The following AGMO variants were observed in gnomAD, a reference collection of about 807,000 sequenced individuals.
The protein encoded by AGMO is alkylglycerol monooxygenase.
In AGMO, 75 loss-of-function variants were observed where a neutral mutation model predicts 60.2. That is an observed-to-expected ratio of 1.25 (90% CI 1.03 to 1.51). AGMO has a LOEUF of 1.51. Ranked by LOEUF, AGMO falls within the 40% of genes most tolerant of loss-of-function variation. AGMO has a pLI of 0.00. For synonymous variants in AGMO, 261 were observed against 177.1 expected (o/e 1.47, Z -3.76); for missense variants, 763 against 525.5 (o/e 1.45, Z -4.42).
intron 12 of AGMO, among the ~76,000 whole-genome samples, chr7:15,273,711 G>A (rs1783687907): frequency 6.6e-6 from 1 of 152,094 alleles, no homozygotes; most frequent in African/African-American, 2.4e-5. Flanking sequence ...ATTACCTTGG[G>A]CACTATGGCC....
chr7:15,192,006 CAG>C, the AGMO span, among the ~76,000 whole-genome samples: 38 of 145,258 alleles, frequency 2.6e-4, no homozygotes, highest in Admixed American at 9.7e-4. Context: ...CACACACACA[CAG>C]AGAACTATTC....
intron 12 of AGMO, among the ~76,000 whole-genome samples, chr7:15,206,726 A>G (rs567838319): frequency 1.1e-4 from 16 of 152,294 alleles, no homozygotes; most frequent in Middle Eastern, 3.4e-3. Flanking sequence ...CCTTCAATCA[A>G]TAAGTATCTA....
chr7:15,119,900 T>C, the AGMO span, among the ~76,000 whole-genome samples: 1 of 151,008 alleles, frequency 6.6e-6, no homozygotes. Flanking sequence ...CTCTGCCTTA[T>C]AAATGTAGCA....
chr7:15,248,222 A>ATATC (rs1171274422), intron 12 of AGMO, among the ~76,000 whole-genome samples: 81 of 104,152 alleles, frequency 7.8e-4, no homozygotes, highest in South Asian at 1.5e-3. Context: ...ATATATATAT[A>ATATC]TATCTTCATC....
intron 12 of AGMO, among the ~76,000 whole-genome samples, chr7:15,356,238 C>T (rs1782525024): frequency 6.6e-6 from 1 of 152,062 alleles, no homozygotes; most frequent in South Asian, 2.1e-4. Context: ...ATGCAATGTG[C>T]ACTAGATGTG....
At chr7:15,430,865 G>C in intron 4 of AGMO, 140 bp downstream of exon 4, 1 of 502,002 alleles carries the variant, frequency 2.0e-6, no homozygotes, top group Non-Finnish European at 3.4e-6. Context: ...AAAGATTTTA[G>C]CATCTGGCTT....
rs937116151 is a variant in AGMO at position 15,340,031 on chromosome 7, A to G, written c.1263+25483T>C. Among the ~76,000 whole-genome samples, 3 of 152,194 alleles carry G rather than the reference A, an allele frequency of 2.0e-5. No individual in the cohort carries two copies. In the South Asian group the frequency reaches 6.2e-4, roughly 31 times the overall value. ...TACAAGTACAAGTTGAGTATTCCTT[A>G]TCCAAGTTGCTTGAGACTAGAAGTG... On this transcript the variant is annotated intron_variant, in intron 12 of 12. Transcript: ENST00000342526.
chr7:15,129,062 G>A, the AGMO span, among the ~76,000 whole-genome samples: 2 of 152,186 alleles, frequency 1.3e-5, no homozygotes, highest in East Asian at 3.9e-4. Context: ...TGATTAGTTG[G>A]GAAGCATGTT....
intron 12 of AGMO, among the ~76,000 whole-genome samples, chr7:15,244,111 A>C (rs944493565): frequency 6.6e-6 from 1 of 152,142 alleles, no homozygotes; most frequent in South Asian, 2.1e-4. Flanking sequence ...AATGGTGTAC[A>C]TATGTTATTG....
At chr7:15,517,417 G>A (rs558133178) in intron 3 of AGMO, among the ~76,000 whole-genome samples, 5 of 151,516 alleles carry the variant, frequency 3.3e-5, no homozygotes, top group Admixed American at 3.3e-4. Flanking sequence ...AGCTCCCAGC[G>A]AGACCAATGC....
downstream of AGMO, among the ~76,000 whole-genome samples, chr7:15,198,581 G>C (rs1450511998): frequency 6.6e-6 from 1 of 152,172 alleles, no homozygotes; most frequent in Non-Finnish European, 1.5e-5. Flanking sequence ...CTGAATAGGA[G>C]ACTGGAGTTT....
intron 3 of AGMO, among the ~76,000 whole-genome samples, chr7:15,446,462 C>T (rs971090997): frequency 6.6e-6 from 1 of 152,146 alleles, no homozygotes. Context: ...AATGATGTCA[C>T]ATTTGACGCT....
rs139946107 is a variant in AGMO, at chr7:15,288,280, C to T, written c.1263+77234G>A. ...ATCTCCTGACCTCGAAAATACAGTA[C>T]AAATTTTTAAACATATACTTTTCTA... is the stretch of plus-strand genomic sequence containing the variant. On this transcript the variant is annotated intron_variant, in intron 12 of 12. Coordinates refer to ENST00000342526, the MANE Select transcript of AGMO (RefSeq NM_001004320.2). Among the ~76,000 whole-genome samples, 948 of 152,124 alleles carry T rather than the reference C, an allele frequency of 6.2e-3. 6 individuals are homozygous for T. The highest frequency in any genetic ancestry group is 0.022 in the African/African-American group (894 of 41,516).
chr7:15,314,226 C>T (rs1678336683), intron 12 of AGMO, among the ~76,000 whole-genome samples: 2 of 152,004 alleles, frequency 1.3e-5, no homozygotes, highest in African/African-American at 2.4e-5. Flanking sequence ...CATAATGGTG[C>T]ACAATTTAAA....
chr7:15,290,485 T>A (rs764352974), intron 12 of AGMO, among the ~76,000 whole-genome samples: 8 of 152,208 alleles, frequency 5.3e-5, no homozygotes, highest in Non-Finnish European at 1.0e-4. Flanking sequence ...TAAGAGAAGA[T>A]AATCAAATAC....
At chr7:15,244,842 C>G (rs571963521) in intron 12 of AGMO, among the ~76,000 whole-genome samples, 1 of 152,060 alleles carries the variant, frequency 6.6e-6, no homozygotes, top group African/African-American at 2.4e-5. Context: ...TTAGTAGAGA[C>G]AGCGTTTCAC....
At chr7:15,304,782 C>G (rs538156756) in intron 12 of AGMO, among the ~76,000 whole-genome samples, 1 of 152,078 alleles carries the variant, frequency 6.6e-6, no homozygotes, top group South Asian at 2.1e-4. Flanking sequence ...AAATACAGAA[C>G]TGGAAAATGA....
At chr7:15,501,661 T>C (rs1011900587) in intron 3 of AGMO, among the ~76,000 whole-genome samples, 1 of 151,834 alleles carries the variant, frequency 6.6e-6, no homozygotes, top group Non-Finnish European at 1.5e-5. Context: ...AGGCGAAAAA[T>C]ATTGATAGCA....
chr7:15,394,160 G>A lies in AGMO; in HGVS notation c.629C>T (p.Pro210Leu). 2 of 1,611,352 alleles carry A rather than the reference G, an allele frequency of 1.2e-6. No individual in the cohort carries two copies. The highest frequency in any genetic ancestry group is 1.7e-6 in the Non-Finnish European group (2 of 1,177,814). The change falls in exon 6 of 13, where the codon CCT (proline) becomes CTT (leucine). Residue 210 changes from proline to leucine, a missense_variant. Coordinates refer to ENST00000342526, the MANE Select transcript of AGMO (RefSeq NM_001004320.2). ...IHTEVINNLG[P>L]LELILNTPSH... ...AGGAGTATTAAGAATCAGTTCCAAA[G>A]GACCAAGGTTATTGATGACCTGTTT...
Sources: gnomAD v4.1 joint callset for allele counts (sites outside exome capture counted in the v4.1 genomes callset) on GRCh38, gnomAD v4.1.1 for gene constraint, MANE v1.5 for transcripts, NCBI Gene and HGNC (gene_info 2026-07-23, HGNC 2026-07-21) for gene names.